The following RABEP1 variants were observed in gnomAD, a reference collection of about 807,000 sequenced individuals.
RABEP1 encodes the protein rabaptin, RAB GTPase binding effector protein 1.
Under a neutral mutation model 123.4 loss-of-function variants are expected in RABEP1, and 51 were observed. The ratio of observed to expected loss-of-function variants is 0.41; its 90% CI spans 0.33 to 0.52. The LOEUF (loss-of-function observed/expected upper bound fraction) is 0.52. RABEP1 is among the 20% of genes least tolerant of loss of function. The pLI, the probability that RABEP1 is intolerant of heterozygous loss-of-function variation, is 0.16. For synonymous variants in RABEP1, 347 were observed against 355.2 expected, an observed-to-expected ratio of 0.98 and a Z score of 0.26; for missense variants, 888 against 996.3, an observed-to-expected ratio of 0.89 and a Z score of 1.46.
intron 13 of RABEP1, among the ~76,000 whole-genome samples, chr17:5,375,257 C>CA (rs1910899463): frequency 6.6e-6 from 1 of 151,934 alleles, no homozygotes; most frequent in South Asian, 2.1e-4. Context: ...TCATCATTTA[C>CA]AAAAAACCAG....
At position 5,361,362 on chromosome 17, in the gene RABEP1, T is replaced by A. The variant is rs1170623828; in HGVS notation, c.1250T>A (p.Leu417Ter). 1 of 1,614,150 alleles carries A rather than the reference T, an allele frequency of 6.2e-7. No individual in the cohort carries two copies. The highest frequency in any genetic ancestry group is 1.6e-4 in the Middle Eastern group (1 of 6,062). ...GACAGCTTGGGAACCTCGGGCTCAT[T>A]GCAATCCAAAGCTTTAGGCTATAAC... ...STDSLGTSGS[L>*]QSKALGYNYK... Residue 417 changes from leucine to a stop codon, truncating the protein, a stop_gained, in exon 9 of 18, where the codon TTG becomes TAG. Transcript: ENST00000537505. LOFTEE classifies it high-confidence loss of function.
chr17:5,302,450 A>G (rs2075144031), intron 1 of RABEP1, among the ~76,000 whole-genome samples: 1 of 151,926 alleles, frequency 6.6e-6, no homozygotes, highest in Admixed American at 6.6e-5. Context: ...CATATTAGCC[A>G]GGCTGGTCTC....
rs1170077475 is a variant in RABEP1 at position 5,346,995 on chromosome 17, CAG to C, written c.784+71_784+72del. ...AAGTTAAATTGATGTTGACTAATAACAGTGACAAATCTTAAAATAACAATGCA... is the reference window on the plus strand; with the variant it reads ...AAGTTAAATTGATGTTGACTAATAACTGACAAATCTTAAAATAACAATGCA... On this transcript the variant is annotated intron_variant, in intron 6 of 17. Transcript: ENST00000537505. 6.5e-6 allele frequency: 8 copies of C among 1,221,460 alleles called. No individual in the cohort carries two copies. In the Admixed American group the frequency reaches 2.0e-4, roughly 30 times the overall value. The allele number at this position is 1,221,460 out of a possible 1,614,324, so 75.7% of individuals were successfully genotyped here. A position where few individuals can be genotyped will look rare whatever the true frequency, so the allele number is the denominator to read the frequency against.
At position 5,385,384 on chromosome 17, in the gene RABEP1, G is replaced by GT. The variant is rs748847469; in HGVS notation, c.*2162dup. On this transcript the variant is annotated 3_prime_UTR_variant, in exon 18 of 18. Coordinates refer to ENST00000537505, the MANE Select transcript of RABEP1 (RefSeq NM_004703.6). ...TCTGTGCCTACATGTTCTCATGCAT[G>GT]TCTAACCTGATTTACCTCTTACCTG... is the stretch of plus-strand genomic sequence containing the variant. 22 of 230,428 alleles carry GT rather than the reference G, an allele frequency of 9.5e-5. No homozygotes were observed. Among genetic ancestry groups the GT allele is most frequent in the Non-Finnish European group, 1.5e-4 (18 of 116,408 alleles). The allele number at this position is 230,428 out of a possible 1,614,324, so 14.3% of individuals were successfully genotyped here.
At position 5,384,541 on chromosome 17, in the gene RABEP1, A is replaced by C. The variant is rs936003298; in HGVS notation, c.*1318A>C. 3 of 215,826 alleles carry C rather than the reference A, an allele frequency of 1.4e-5. No individual in the cohort carries two copies. The highest frequency in any genetic ancestry group is 2.8e-5 in the Non-Finnish European group (3 of 107,308). 13.4% of individuals were successfully genotyped at this position (215,826 alleles called of 1,614,324 possible). A position where few individuals can be genotyped will look rare whatever the true frequency, so the allele number is the denominator to read the frequency against. ...GAACTAGGTAGATTGTTTTGTTCAC[A>C]TAACGCCACCATCAACTTAAAGTGA... is the stretch of plus-strand genomic sequence containing the variant. On this transcript the variant is annotated 3_prime_UTR_variant, in exon 18 of 18. Coordinates refer to ENST00000537505, the MANE Select transcript of RABEP1 (RefSeq NM_004703.6).
chr17:5,291,120 A>G (rs770694561), intron 1 of RABEP1, among the ~76,000 whole-genome samples: 31 of 152,304 alleles, frequency 2.0e-4, no homozygotes, highest in Non-Finnish European at 1.3e-4. Flanking sequence ...TGTAAAAGAA[A>G]ACTAGACTTG....
At position 5,340,821 on chromosome 17, in the gene RABEP1, G is replaced by A. The variant is rs565815442; in HGVS notation, c.648+2683G>A. ...AAATTAGCTGGGCGTGGTGGCGGGC[G>A]CCTATAATCCCAGCTACTGGGGAGG... On this transcript the variant is annotated intron_variant, in intron 5 of 17. Transcript: ENST00000537505. Among the ~76,000 whole-genome samples the A allele has an allele frequency of 6.6e-5, 10 of 151,482 alleles. No individual in the cohort carries two copies. The South Asian group carries it at 2.1e-3, about 32-fold the overall frequency.
intron 4 of RABEP1, among the ~76,000 whole-genome samples, chr17:5,337,435 C>T (rs1346015306): frequency 6.6e-6 from 1 of 152,114 alleles, no homozygotes; most frequent in Non-Finnish European, 1.5e-5. Flanking sequence ...CCTGTAATCC[C>T]AGCACTTTGG....
chr17:5,352,557 G>A (rs1908648089), intron 7 of RABEP1, among the ~76,000 whole-genome samples: 1 of 151,796 alleles, frequency 6.6e-6, no homozygotes, highest in Non-Finnish European at 1.5e-5. Flanking sequence ...TTGGCCGGGC[G>A]CGGATGGTCA....
At chr17:5,344,105 C>G (rs566587773) in intron 5 of RABEP1, among the ~76,000 whole-genome samples, 2 of 152,126 alleles carry the variant, frequency 1.3e-5, no homozygotes, top group Non-Finnish European at 2.9e-5. Context: ...AAGCTACAGA[C>G]TATAAGAAGA....
intron 4 of RABEP1, chr17:5,336,656 A>G (rs1404026516): frequency 3.4e-6 from 1 of 296,152 alleles, no homozygotes; most frequent in African/African-American, 2.3e-5. Flanking sequence ...TTGTGAAGTC[A>G]TATTTATATT....
rs200798233 is a variant in RABEP1, at chr17:5,383,167, C to T, written c.2533C>T (p.Arg845Trp). The T allele has an allele frequency of 5.4e-5, 87 of 1,614,092 alleles. No homozygotes were observed. In the East Asian group the frequency reaches 1.0e-3, roughly 19 times the overall value. The change falls in exon 18 of 18, where the codon CGG becomes TGG. Residue 845 changes from arginine (R) to tryptophan (W), a missense_variant. By Grantham distance (101) the Arg-to-Trp change is moderately radical (BLOSUM62 -3). Coordinates refer to ENST00000537505, the MANE Select transcript of RABEP1 (RefSeq NM_004703.6). ...IRQADSLERI[R>W]AILNDTKLTD... is the part of the protein sequence containing the mutation. ...GCAAGCTGACTCCTTGGAGAGAATC[C>T]GGGCAATTCTGAATGATACTAAACT...
chr17:5,373,501 T>C (rs1344113222), intron 13 of RABEP1, 47 bp downstream of exon 13: 2 of 1,550,164 alleles, frequency 1.3e-6, no homozygotes, highest in South Asian at 1.2e-5. Context: ...GTACGTTTTC[T>C]GAAATGGCCG....
rs551948557 is a variant in RABEP1 at position 5,363,380 on chromosome 17, C to T, written c.1668+364C>T. On this transcript the variant is annotated intron_variant, in intron 10 of 17. Transcript: ENST00000537505. Reference sequence around the variant, plus strand: ...GATTACAGGGACACGCCACCACCCCCAGCTATTTTTTGTATTTTTAGTAGA... The same window carrying T: ...GATTACAGGGACACGCCACCACCCCTAGCTATTTTTTGTATTTTTAGTAGA... Among the ~76,000 whole-genome samples, 97 of 152,056 alleles carry T rather than the reference C, an allele frequency of 6.4e-4. 1 individual carries two copies. Among genetic ancestry groups the T allele is most frequent in the Admixed American group, 1.6e-3 (25 of 15,262 alleles).
chr17:5,284,951 G>A (rs915657845), intron 1 of RABEP1, among the ~76,000 whole-genome samples: 2 of 151,212 alleles, frequency 1.3e-5, no homozygotes, highest in Admixed American at 6.6e-5. Flanking sequence ...TCCTGTTTCA[G>A]AAGCGATTGT....
chr17:5,329,519 G>A (rs548232246), intron 2 of RABEP1, among the ~76,000 whole-genome samples: 9 of 152,296 alleles, frequency 5.9e-5, no homozygotes, highest in South Asian at 2.1e-4. Context: ...CAACAAGAGC[G>A]AGACTCCGTC....
At position 5,286,361 on chromosome 17, in the gene RABEP1, G is replaced by A. The variant is rs140639943; in HGVS notation, c.34+3841G>A. On this transcript the variant is annotated intron_variant, in intron 1 of 17. Transcript: ENST00000537505. Reference sequence around the variant, plus strand: ...ATACAAAAGTTAGCCGGGTGTGGTGGTGCGCACCTGTAGTCCCAGCTACTC... The same window carrying A: ...ATACAAAAGTTAGCCGGGTGTGGTGATGCGCACCTGTAGTCCCAGCTACTC... 1.9e-3 allele frequency among the ~76,000 whole-genome samples: 289 copies of A among 152,224 alleles called. 1 individual carries two copies. The highest frequency in any genetic ancestry group is 6.5e-3 in the African/African-American group (269 of 41,518).
intron 1 of RABEP1, among the ~76,000 whole-genome samples, chr17:5,288,611 C>T (rs2075002101): frequency 6.6e-6 from 1 of 152,064 alleles, no homozygotes. Flanking sequence ...GTCAGGCTGG[C>T]CTCTAACTCC....
rs763348080 is a variant in RABEP1 at position 5,361,684 on chromosome 17, C to T, written c.1563+9C>T. On this transcript the variant is annotated intron_variant, in intron 9 of 17. Transcript: ENST00000537505. ...ATCTCTTGCAGAAAGAGGTGAGTTA[C>T]CTTTCTCACGTTTTTCCTCTTGCTC... 1.0e-5 allele frequency: 16 copies of T among 1,586,126 alleles called. No individual in the cohort carries two copies. Among genetic ancestry groups the T allele is most frequent in the Non-Finnish European group, 1.3e-5 (15 of 1,165,978 alleles).
Sources: allele counts gnomAD v4.1 joint callset (sites outside exome capture counted in the v4.1 genomes callset), GRCh38; gene constraint gnomAD v4.1.1; transcripts MANE v1.5; gene names NCBI Gene and HGNC (gene_info 2026-07-23, HGNC 2026-07-21).